TCF4: variants seen among roughly 807,000 people sequenced by gnomAD.
TCF4 encodes the protein SL3-3 enhancer factor 2.
Under a neutral mutation model 82.1 loss-of-function variants are expected in TCF4, and 3 were observed. The observed-to-expected ratio is 0.04, with a 90% CI of 0.02 to 0.09. The LOEUF (loss-of-function observed/expected upper bound fraction) is 0.09. Among genes scored for constraint, TCF4 ranks in the 10% least tolerant of loss-of-function variants. The pLI, the probability that TCF4 is intolerant of heterozygous loss-of-function variation, is 1.00. For missense variants in TCF4, 518 were observed against 852.7 expected (o/e 0.61, Z 4.89); for synonymous variants, 276 against 309.6 (o/e 0.89, Z 1.14).
At chr18:55,387,873 C>T (rs760030935) in intron 6 of TCF4, among the ~76,000 whole-genome samples, 4 of 152,076 alleles carry the variant, frequency 2.6e-5, no homozygotes, top group Non-Finnish European at 5.9e-5. Context: ...TGGAAGAAAG[C>T]GGGTACAAAG....
At chr18:55,634,380 T>C (rs1603625808) in intron 1 of TCF4, among the ~76,000 whole-genome samples, 1 of 152,226 alleles carries the variant, frequency 6.6e-6, no homozygotes, top group East Asian at 1.9e-4. Context: ...TAATTTATAA[T>C]ATTTTACATA....
At chr18:55,348,175 A>C (rs2081589043) in intron 8 of TCF4, among the ~76,000 whole-genome samples, 1 of 152,220 alleles carries the variant, frequency 6.6e-6, no homozygotes, top group South Asian at 2.1e-4. Context: ...TGATATTTAC[A>C]ACAAAGCTTA....
chr18:55,573,298 C>CAAA (rs34330994), intron 3 of TCF4, among the ~76,000 whole-genome samples: 15 of 106,994 alleles, frequency 1.4e-4, no homozygotes, highest in African/African-American at 5.6e-4. Flanking sequence ...GAAGTTTCAC[C>CAAA]AAAAAAAAAA....
At chr18:55,420,426 C>A (rs1353891488) in intron 5 of TCF4, among the ~76,000 whole-genome samples, 1 of 152,174 alleles carries the variant, frequency 6.6e-6, no homozygotes, top group Non-Finnish European at 1.5e-5. Flanking sequence ...CCAAAAACAT[C>A]TTCTAACCCG....
At chr18:55,365,817 G>A (rs771025475) in intron 6 of TCF4, among the ~76,000 whole-genome samples, 51 of 152,030 alleles carry the variant, frequency 3.4e-4, no homozygotes, top group Admixed American at 3.9e-4. Flanking sequence ...GCTTGAACTC[G>A]GAAGGCAGAG....
At chr18:55,632,274 G>A (rs745832048) in intron 1 of TCF4, among the ~76,000 whole-genome samples, 3 of 152,088 alleles carry the variant, frequency 2.0e-5, no homozygotes, top group East Asian at 1.9e-4. Flanking sequence ...TCCTGACCTC[G>A]TGATTCACTC....
chr18:55,396,026 A>G (rs2093467855), intron 6 of TCF4, among the ~76,000 whole-genome samples: 1 of 152,138 alleles, frequency 6.6e-6, no homozygotes, highest in Non-Finnish European at 1.5e-5. Flanking sequence ...CTAACCCTGA[A>G]CGGAGCTGAG....
intron 2 of TCF4, among the ~76,000 whole-genome samples, chr18:55,606,677 A>G (rs1042783792): frequency 1.3e-5 from 2 of 152,230 alleles, no homozygotes; most frequent in Non-Finnish European, 2.9e-5. Flanking sequence ...GCAAAACAAA[A>G]CAAAACAAAA....
chr18:55,599,587 G>C (rs2097694602), intron 2 of TCF4, among the ~76,000 whole-genome samples: 1 of 152,132 alleles, frequency 6.6e-6, no homozygotes, highest in African/African-American at 2.4e-5. Flanking sequence ...TGGGTGTGGT[G>C]GTGGGCACCT....
At chr18:55,489,711 G>A (rs1177913333) in intron 3 of TCF4, among the ~76,000 whole-genome samples, 2 of 152,128 alleles carry the variant, frequency 1.3e-5, no homozygotes, top group Non-Finnish European at 2.9e-5. Context: ...CCACACAAGA[G>A]GATGTAATTT....
chr18:55,350,234 C>A, intron 8 of TCF4, 125 bp downstream of exon 8: 1 of 989,068 alleles, frequency 1.0e-6, no homozygotes, highest in Non-Finnish European at 1.6e-6. Flanking sequence ...ATTTCTACCT[C>A]ATCCACCTTC....
At chr18:55,269,622 A>G in intron 11 of TCF4, 5 of 637,254 alleles carry the variant, frequency 7.8e-6, no homozygotes, top group Non-Finnish European at 1.4e-5. Flanking sequence ...CGTAGAACGT[A>G]GCTAAATTTC....
At chr18:55,586,098 T>G (rs1224783853) in intron 2 of TCF4, 1 of 1,422,254 alleles carries the variant, frequency 7.0e-7, no homozygotes, top group African/African-American at 1.4e-5. Flanking sequence ...AAGCCATTTC[T>G]CCAAAAGAAG....
At chr18:55,482,095 G>T (rs934974274) in intron 3 of TCF4, 1 of 152,198 alleles carries the variant, frequency 6.6e-6, no homozygotes, top group African/African-American at 2.4e-5. Context: ...TGCAATCTGA[G>T]ATACAGTGGA....
intron 8 of TCF4, among the ~76,000 whole-genome samples, chr18:55,293,930 A>ATTTTTTTTT (rs1568769774): frequency 2.6e-4 from 6 of 22,654 alleles, no homozygotes; most frequent in East Asian, 1.4e-3. Flanking sequence ...CTTTCCAAGG[A>ATTTTTTTTT]CTTTTTTTTT....
At chr18:55,442,804 T>A (rs543346962) in intron 5 of TCF4, among the ~76,000 whole-genome samples, 1 of 152,294 alleles carries the variant, frequency 6.6e-6, no homozygotes, top group Non-Finnish European at 1.5e-5. Flanking sequence ...GAAGAACTTT[T>A]GCATTTCCAC....
At chr18:55,451,958 A>ATCATG (rs1408038228) in intron 5 of TCF4, among the ~76,000 whole-genome samples, 1 of 152,206 alleles carries the variant, frequency 6.6e-6, no homozygotes, top group Non-Finnish European at 1.5e-5. Flanking sequence ...GTGAGCTATA[A>ATCATG]TCATGTCACT....
At chr18:55,516,809 A>G (rs1208977086) in intron 3 of TCF4, among the ~76,000 whole-genome samples, 1 of 151,564 alleles carries the variant, frequency 6.6e-6, no homozygotes, top group African/African-American at 2.4e-5. Flanking sequence ...AGTGGGAGAG[A>G]AAGCAAATGA....
intron 15 of TCF4, among the ~76,000 whole-genome samples, chr18:55,253,709 T>C (rs576936475): frequency 1.0e-3 from 152 of 152,274 alleles, no homozygotes; most frequent in African/African-American, 3.6e-3. Flanking sequence ...AATGTATTTA[T>C]ACAAATAAAC....
Sources: gnomAD v4.1 joint callset for allele counts (sites outside exome capture counted in the v4.1 genomes callset) on GRCh38, gnomAD v4.1.1 for gene constraint, MANE v1.5 for transcripts, NCBI Gene and HGNC (gene_info 2026-07-23, HGNC 2026-07-21) for gene names.